The following FHIT variants were observed in gnomAD, a reference collection of about 807,000 sequenced individuals.
FHIT encodes the protein fragile histidine triad diadenosine triphosphatase.
A neutral mutation model predicts 17.9 loss-of-function variants in FHIT; 19 were observed. The observed-to-expected ratio is 1.06, with a 90% confidence interval of 0.74 to 1.56. The LOEUF (loss-of-function observed/expected upper bound fraction) is 1.56. FHIT is among the 40% of genes most tolerant of loss of function. FHIT has a pLI of 0.00. For synonymous variants in FHIT, 81 were observed against 69.7 expected (o/e 1.16, Z -0.81); for missense variants, 248 against 189.2 (o/e 1.31, Z -1.82).
At chr3:59,903,326 G>T (rs1421364715) in intron 8 of FHIT, among the ~76,000 whole-genome samples, 1 of 152,088 alleles carries the variant, frequency 6.6e-6, no homozygotes, top group Non-Finnish European at 1.5e-5. Context: ...GGTTTCTTTT[G>T]GGGGTGATGA....
chr3:60,127,608 T>A (rs954862328), intron 5 of FHIT, among the ~76,000 whole-genome samples: 2 of 152,110 alleles, frequency 1.3e-5, no homozygotes, highest in Non-Finnish European at 2.9e-5. Context: ...ATTTTTTATA[T>A]CTATTTTTTT....
At chr3:59,836,212 T>C (rs948671581) in intron 8 of FHIT, among the ~76,000 whole-genome samples, 2 of 151,980 alleles carry the variant, frequency 1.3e-5, no homozygotes, top group Non-Finnish European at 2.9e-5. Context: ...AGAAGATGAG[T>C]AGATATTCTG....
At chr3:60,072,714 G>A (rs1241281048) in intron 5 of FHIT, among the ~76,000 whole-genome samples, 1 of 152,060 alleles carries the variant, frequency 6.6e-6, no homozygotes, top group Non-Finnish European at 1.5e-5. Context: ...CCAAGCCTGT[G>A]CTCTTAACCC....
At chr3:60,000,763 C>T (rs577144492) in intron 7 of FHIT, among the ~76,000 whole-genome samples, 1 of 152,248 alleles carries the variant, frequency 6.6e-6, no homozygotes, top group African/African-American at 2.4e-5. Flanking sequence ...CTCTGAGTAT[C>T]ATCAAAACAT....
intron 1 of FHIT, among the ~76,000 whole-genome samples, chr3:61,212,734 G>T (rs994619458): frequency 6.6e-6 from 1 of 152,192 alleles, no homozygotes; most frequent in Non-Finnish European, 1.5e-5. Flanking sequence ...AGGAAAAAAT[G>T]TTAAGGGCAG....
chr3:59,892,672 T>G (rs9834305), intron 8 of FHIT, among the ~76,000 whole-genome samples: 7,507 of 152,272 alleles, frequency 0.049, 366 homozygotes, highest in African/African-American at 0.13. Flanking sequence ...TGGTGGGGGA[T>G]ATGTTTAATC....
chr3:60,173,605 T>G (rs556025547), intron 5 of FHIT, among the ~76,000 whole-genome samples: 1 of 151,816 alleles, frequency 6.6e-6, no homozygotes, highest in South Asian at 2.1e-4. Flanking sequence ...GAGAGGTCTG[T>G]GGGAAGGTGA....
chr3:60,852,388 A>G (rs374710853), intron 3 of FHIT, among the ~76,000 whole-genome samples: 54 of 152,102 alleles, frequency 3.6e-4, no homozygotes, highest in African/African-American at 1.2e-3. Flanking sequence ...CTTTCTATAC[A>G]TATGGATACA....
intron 5 of FHIT, among the ~76,000 whole-genome samples, chr3:60,328,608 T>A (rs953421934): frequency 6.6e-6 from 1 of 152,168 alleles, no homozygotes; most frequent in African/African-American, 2.4e-5. Flanking sequence ...ATTATGGGAA[T>A]TACAGGATAG....
At chr3:60,500,478 T>C (rs763208710) in intron 5 of FHIT, among the ~76,000 whole-genome samples, 13 of 152,068 alleles carry the variant, frequency 8.5e-5, no homozygotes, top group South Asian at 2.1e-4. Context: ...AAGAGTTGTA[T>C]TGGTGCTGTG....
At chr3:60,097,024 T>TAA (rs71287192) in intron 5 of FHIT, among the ~76,000 whole-genome samples, 31,726 of 126,964 alleles carry the variant, frequency 0.25, 4,586 homozygotes, top group Non-Finnish European at 0.32. Context: ...CTGTTATTAT[T>TAA]AAAAAAAAAA....
At chr3:60,681,978 T>C (rs1553697021) in intron 4 of FHIT, among the ~76,000 whole-genome samples, 1 of 151,940 alleles carries the variant, frequency 6.6e-6, no homozygotes, top group Admixed American at 6.6e-5. Context: ...AGCAGATTTT[T>C]TTTTTTTTTT....
At chr3:59,778,930 C>T (rs1449143787) in intron 8 of FHIT, among the ~76,000 whole-genome samples, 1 of 152,176 alleles carries the variant, frequency 6.6e-6, no homozygotes, top group Admixed American at 6.5e-5. Flanking sequence ...TAAGAAACCT[C>T]ACAGTTACAT....
chr3:60,914,049 T>C (rs1288712893), intron 3 of FHIT, among the ~76,000 whole-genome samples: 2 of 152,216 alleles, frequency 1.3e-5, no homozygotes, highest in Non-Finnish European at 2.9e-5. Flanking sequence ...AGAAGAGGTC[T>C]GCACAGACAG....
intron 8 of FHIT, chr3:59,886,279 T>C (rs1703620155): frequency 6.6e-6 from 1 of 152,234 alleles, no homozygotes; most frequent in South Asian, 2.1e-4. Flanking sequence ...CACCTGAGCA[T>C]CCCAGCTCCT....
intron 4 of FHIT, among the ~76,000 whole-genome samples, chr3:60,721,802 A>G (rs1577116193): frequency 6.6e-6 from 1 of 152,168 alleles, no homozygotes; most frequent in East Asian, 1.9e-4. Context: ...ACTATAAAAA[A>G]GAGTATTATT....
intron 5 of FHIT, among the ~76,000 whole-genome samples, chr3:60,371,733 A>G (rs1257980326): frequency 6.6e-6 from 1 of 152,142 alleles, no homozygotes; most frequent in Non-Finnish European, 1.5e-5. Flanking sequence ...GCATTCATAA[A>G]TTGATTTTAT....
intron 5 of FHIT, among the ~76,000 whole-genome samples, chr3:60,479,241 G>T (rs1203693086): frequency 6.6e-6 from 1 of 152,094 alleles, no homozygotes; most frequent in African/African-American, 2.4e-5. Flanking sequence ...ATGCCCAAAA[G>T]CATTTGCAAA....
intron 5 of FHIT, among the ~76,000 whole-genome samples, chr3:60,182,758 G>T (rs915834374): frequency 2.6e-5 from 4 of 151,998 alleles, no homozygotes; most frequent in Non-Finnish European, 5.9e-5. Flanking sequence ...ACTGCAGCCT[G>T]GGTGACAGAG....
Sources: gnomAD v4.1 joint callset for allele counts (sites outside exome capture counted in the v4.1 genomes callset) on GRCh38, gnomAD v4.1.1 for gene constraint, MANE v1.5 for transcripts, NCBI Gene and HGNC (gene_info 2026-07-23, HGNC 2026-07-21) for gene names.